Variants in MCTP1 observed in about 807,000 individuals in gnomAD.
MCTP1 encodes the protein multiple C2 and transmembrane domain containing 1.
Under a neutral mutation model 120.6 loss-of-function variants are expected in MCTP1, and 69 were observed. The observed-to-expected ratio is 0.57, with a 90% confidence interval of 0.47 to 0.70. The LOEUF is 0.70. MCTP1 is among the 30% of genes least tolerant of loss of function. The pLI is 0.00. For synonymous variants in MCTP1, 529 were observed against 493.1 expected, an observed-to-expected ratio of 1.07 and a Z score of -0.96; for missense variants, 1,203 against 1,248.8, an observed-to-expected ratio of 0.96 and a Z score of 0.55.
At chr5:94,867,645 G>A (rs548443900) in intron 17 of MCTP1, 1 of 375,820 alleles carries the variant, frequency 2.7e-6, no homozygotes, top group Non-Finnish European at 4.8e-6. Context: ...AATAATGTGA[G>A]AGAAGAAAAT....
chr5:94,795,455 C>T (rs997304864), intron 18 of MCTP1, among the ~76,000 whole-genome samples: 66 of 152,344 alleles, frequency 4.3e-4, no homozygotes, highest in African/African-American at 1.6e-3. Context: ...ATCTACTCTT[C>T]CACTTTCAAA....
chr5:95,035,214 T>G (rs150103671), intron 1 of MCTP1, among the ~76,000 whole-genome samples: 1 of 152,016 alleles, frequency 6.6e-6, no homozygotes, highest in Non-Finnish European at 1.5e-5. Context: ...ACAATCTTAC[T>G]ACTGGCCATC....
chr5:94,916,458 G>C (rs938438786), intron 8 of MCTP1, among the ~76,000 whole-genome samples: 1 of 152,076 alleles, frequency 6.6e-6, no homozygotes, highest in Non-Finnish European at 1.5e-5. Context: ...GTGTGTTCAG[G>C]GGCCTACAGA....
chr5:95,232,481 C>T (rs559397476), intron 1 of MCTP1, among the ~76,000 whole-genome samples: 127 of 137,966 alleles, frequency 9.2e-4, no homozygotes, highest in African/African-American at 3.1e-3. Context: ...TTTTTTGAGA[C>T]GGAGTCTCCC....
intron 1 of MCTP1, among the ~76,000 whole-genome samples, chr5:95,146,216 C>T (rs1760380562): frequency 6.6e-6 from 1 of 152,078 alleles, no homozygotes; most frequent in South Asian, 2.1e-4. Flanking sequence ...TTTTGTATTT[C>T]TGTAGGATCA....
intron 17 of MCTP1, among the ~76,000 whole-genome samples, chr5:94,836,584 T>C (rs1462457895): frequency 6.6e-6 from 1 of 152,214 alleles, no homozygotes; most frequent in Non-Finnish European, 1.5e-5. Context: ...GGAAGATTTA[T>C]ACTAAGAAAT....
intron 1 of MCTP1, among the ~76,000 whole-genome samples, chr5:95,271,334 G>A (rs1272969763): frequency 2.0e-5 from 3 of 152,208 alleles, no homozygotes; most frequent in African/African-American, 7.2e-5. Context: ...AGGCTCTGCT[G>A]TCTCAGATCC....
chr5:94,902,661 A>G (rs2153422373), intron 10 of MCTP1, among the ~76,000 whole-genome samples: 1 of 152,314 alleles, frequency 6.6e-6, no homozygotes, highest in South Asian at 2.1e-4. Context: ...ACTCTTTGAA[A>G]TGTTTGCATT....
intron 1 of MCTP1, chr5:95,037,955 AT>A (rs1420616499): frequency 1.2e-5 from 2 of 160,204 alleles, no homozygotes. Flanking sequence ...TGTGTTAAAG[AT>A]ACTATGGAAT....
chr5:94,804,808 A>T (rs1053131203), intron 17 of MCTP1, among the ~76,000 whole-genome samples: 1 of 152,190 alleles, frequency 6.6e-6, no homozygotes, highest in Admixed American at 6.5e-5. Context: ...AGTCAATATG[A>T]TCATTGCTCT....
intron 1 of MCTP1, among the ~76,000 whole-genome samples, chr5:95,195,565 C>T (rs2152539816): frequency 6.6e-6 from 1 of 152,220 alleles, no homozygotes; most frequent in South Asian, 2.1e-4. Context: ...AAGTGGGGAG[C>T]AGAAAGGGTT....
intron 19 of MCTP1, among the ~76,000 whole-genome samples, chr5:94,759,221 A>T (rs769286029): frequency 1.3e-5 from 2 of 152,216 alleles, no homozygotes; most frequent in Non-Finnish European, 2.9e-5. Flanking sequence ...ATAAGCTTTG[A>T]TTCCATTAAT....
In MCTP1 at chr5:95,259,676, G is replaced by T. The variant is rs562367243; in HGVS notation, c.720+24180C>A. Among the ~76,000 whole-genome samples the T allele has an allele frequency of 2.6e-5, 4 of 152,262 alleles. No individual in the cohort carries two copies. In the South Asian group the frequency reaches 8.3e-4, roughly 32 times the overall value. On this transcript the variant is annotated intron_variant, in intron 1 of 22. Coordinates refer to ENST00000515393, the MANE Select transcript of MCTP1 (RefSeq NM_024717.7). ...CAATACCTGCCCCCACATTGGATGG[G>T]GAGATGCACTTAGAGGTGGCCATTA...
At chr5:95,211,858 G>A (rs967074435) in intron 1 of MCTP1, among the ~76,000 whole-genome samples, 4 of 152,062 alleles carry the variant, frequency 2.6e-5, no homozygotes, top group Non-Finnish European at 5.9e-5. Context: ...TTTTTGGTGT[G>A]GATGTCCTTT....
intron 1 of MCTP1, among the ~76,000 whole-genome samples, chr5:95,235,357 A>C (rs1010052760): frequency 6.6e-6 from 1 of 151,942 alleles, no homozygotes; most frequent in African/African-American, 2.4e-5. Context: ...AGCTAACATC[A>C]TAATGAAGAG....
chr5:95,261,118 C>A (rs1304772783), intron 1 of MCTP1, among the ~76,000 whole-genome samples: 3 of 152,112 alleles, frequency 2.0e-5, no homozygotes, highest in African/African-American at 4.8e-5. Context: ...AAATTTGTTC[C>A]CAGCCCTATT....
chr5:94,867,965 A>G (rs558410929), intron 17 of MCTP1: 10 of 162,536 alleles, frequency 6.2e-5, no homozygotes, highest in African/African-American at 1.9e-4. Flanking sequence ...GACAGATAAA[A>G]TCAAATTGAG....
At chr5:95,121,915 G>T (rs1269498126) in intron 1 of MCTP1, among the ~76,000 whole-genome samples, 1 of 132,492 alleles carries the variant, frequency 7.5e-6, no homozygotes, top group African/African-American at 2.7e-5. Context: ...AATGGTGGGG[G>T]TCAAACTGGA....
intron 1 of MCTP1, among the ~76,000 whole-genome samples, chr5:95,166,969 A>G (rs1746478667): frequency 7.0e-6 from 1 of 142,864 alleles, no homozygotes; most frequent in African/African-American, 2.6e-5. Context: ...CACAATGTGC[A>G]GGTTTGTTAC....
Sources: allele counts gnomAD v4.1 joint callset (sites outside exome capture counted in the v4.1 genomes callset), GRCh38; gene constraint gnomAD v4.1.1; transcripts MANE v1.5; gene names NCBI Gene and HGNC (gene_info 2026-07-23, HGNC 2026-07-21).